Variants in UGT1A10 observed in about 807,000 individuals in gnomAD.
The protein encoded by UGT1A10 is UDP glucuronosyltransferase family 1 member A10.
A neutral mutation model predicts 45.8 loss-of-function variants in UGT1A10; 49 were observed. That is an observed-to-expected ratio of 1.07 (90% CI 0.85 to 1.36). The LOEUF (loss-of-function observed/expected upper bound fraction) is 1.36. Among genes scored for constraint, UGT1A10 ranks in the 40% most tolerant of loss-of-function variants. The pLI is 0.00. For synonymous variants in UGT1A10, 284 were observed against 249.7 expected, an observed-to-expected ratio of 1.14 and a Z score of -1.29; for missense variants, 745 against 668.6, an observed-to-expected ratio of 1.11 and a Z score of -1.26.
chr2:233,640,635 G>A (rs977220266), intron 1 of UGT1A10, among the ~76,000 whole-genome samples: 2 of 152,094 alleles, frequency 1.3e-5, no homozygotes. Context: ...AAATGGGAGA[G>A]AACAGTCTCT....
Position 233,772,483 on chromosome 2 carries a change from G to C in UGT1A10, c.1517G>C (p.Cys506Ser). The change falls in exon 5 of 5, where the codon TGT (cysteine) becomes TCT (serine). Residue 506 changes from cysteine to serine, a missense_variant. Physicochemically the swap from Cys to Ser is moderately radical, Grantham distance 112. Transcript: ENST00000344644. ...ACAGTGGCCTTCATCACCTTTAAAT[G>C]TTGTGCTTATGGCTACCGGAAATGC... ...VLTVAFITFK[C>S]CAYGYRKCLG... The C allele has an allele frequency of 6.2e-7, 1 of 1,614,146 alleles. No individual in the cohort carries two copies. The highest frequency in any genetic ancestry group is 8.5e-7 in the Non-Finnish European group (1 of 1,180,048).
At chr2:233,677,836 A>G (rs2074401244) in intron 1 of UGT1A10, among the ~76,000 whole-genome samples, 1 of 152,076 alleles carries the variant, frequency 6.6e-6, no homozygotes, top group South Asian at 2.1e-4. Context: ...GATATATGTA[A>G]AAAAAATCGT....
At chr2:233,762,729 T>G (rs1012866470) in intron 1 of UGT1A10, among the ~76,000 whole-genome samples, 22 of 152,030 alleles carry the variant, frequency 1.4e-4, no homozygotes, top group Non-Finnish European at 3.2e-4. Context: ...TTTTTTTTTT[T>G]GGTCACTACT....
chr2:233,764,212 A>G (rs903605972), intron 1 of UGT1A10, among the ~76,000 whole-genome samples: 1 of 152,176 alleles, frequency 6.6e-6, no homozygotes, highest in Non-Finnish European at 1.5e-5. Context: ...TTTTCTTTGA[A>G]GGGAATCAAT....
chr2:233,700,873 TCC>T (rs1228589986), intron 1 of UGT1A10, among the ~76,000 whole-genome samples: 1 of 147,556 alleles, frequency 6.8e-6, no homozygotes, highest in Non-Finnish European at 1.5e-5. Flanking sequence ...CCCTCCCTCC[TCC>T]CCCCACCCCA....
chr2:233,757,465 C>G (rs1305238385), intron 1 of UGT1A10, among the ~76,000 whole-genome samples: 7 of 149,236 alleles, frequency 4.7e-5, no homozygotes, highest in Non-Finnish European at 5.9e-5. Flanking sequence ...AGAGCGCTTA[C>G]TGTCTCCAAA....
intron 1 of UGT1A10, chr2:233,717,949 A>C: frequency 2.2e-6 from 1 of 452,294 alleles, no homozygotes; most frequent in South Asian, 1.6e-5. Context: ...GCAGACTTGC[A>C]GAAGACTGGA....
rs189908141 is a variant in UGT1A10, at chr2:233,706,521, C to T, written c.856-60513C>T. Among the ~76,000 whole-genome samples, 191 of 152,266 alleles carry T rather than the reference C, an allele frequency of 1.3e-3. 1 individual carries two copies. Among genetic ancestry groups the T allele is most frequent in the African/African-American group, 4.2e-3 (176 of 41,544 alleles). On this transcript the variant is annotated intron_variant, in intron 1 of 4. Coordinates refer to ENST00000344644, the MANE Select transcript of UGT1A10 (RefSeq NM_019075.4). Reference sequence around the variant, plus strand: ...TGGTGTGATGCTGAGGATTTTACAGCGGCTTAGAAACACAGCTTTTTTTCT... The same window carrying T: ...TGGTGTGATGCTGAGGATTTTACAGTGGCTTAGAAACACAGCTTTTTTTCT...
intron 1 of UGT1A10, among the ~76,000 whole-genome samples, chr2:233,732,119 T>C (rs1297599080): frequency 7.1e-6 from 1 of 141,674 alleles, no homozygotes; most frequent in African/African-American, 2.7e-5. Context: ...TTTGCCCACT[T>C]TTTGATGAGG....
intron 1 of UGT1A10, among the ~76,000 whole-genome samples, chr2:233,641,098 C>T (rs1470682038): frequency 6.6e-6 from 1 of 152,198 alleles, no homozygotes; most frequent in Non-Finnish European, 1.5e-5. Context: ...CTCTGCAGCA[C>T]AAGCACCATC....
At chr2:233,692,770 A>C (rs1187412546) in intron 1 of UGT1A10, 1 of 1,276,528 alleles carries the variant, frequency 7.8e-7, no homozygotes, top group Non-Finnish European at 1.0e-6. Flanking sequence ...GAAGAGAAAC[A>C]CCCAGAAGCT....
In UGT1A10 at chr2:233,637,260, T is replaced by G; in HGVS notation, c.738T>G (p.Ser246Arg). ...QTPVTAYDLY[S>R]HTSIWLLRTD... ...CTGTCACGGCATATGATCTCTACAG[T>G]CACACATCAATTTGGTTGTTGCGAA... The change falls in exon 1 of 5, where the codon AGT becomes AGG. Residue 246 changes from serine to arginine, a missense_variant. Coordinates refer to ENST00000344644, the MANE Select transcript of UGT1A10 (RefSeq NM_019075.4). The G allele has an allele frequency of 6.2e-7, 1 of 1,613,996 alleles. No individual in the cohort carries two copies. The highest frequency in any genetic ancestry group is 8.5e-7 in the Non-Finnish European group (1 of 1,179,872).
chr2:233,717,792 G>A (rs1353792882), intron 1 of UGT1A10: 6 of 456,092 alleles, frequency 1.3e-5, no homozygotes, highest in African/African-American at 4.0e-5. Flanking sequence ...GAAATTTGAA[G>A]TAGTGCCCCC....
intron 1 of UGT1A10, among the ~76,000 whole-genome samples, chr2:233,762,788 C>T (rs553369718): frequency 6.6e-6 from 1 of 151,422 alleles, no homozygotes; most frequent in East Asian, 1.9e-4. Context: ...ATTATCTACT[C>T]ATTACTCAGC....
intron 1 of UGT1A10, among the ~76,000 whole-genome samples, chr2:233,707,313 A>G (rs1246275498): frequency 6.6e-6 from 1 of 152,146 alleles, no homozygotes; most frequent in African/African-American, 2.4e-5. Context: ...TTTGTTACAT[A>G]GCTAAACATG....
At chr2:233,692,948 C>T in intron 1 of UGT1A10, 1 of 1,601,152 alleles carries the variant, frequency 6.2e-7, no homozygotes, top group East Asian at 2.2e-5. Flanking sequence ...CCTAGGAGCC[C>T]TGTGATTTGG....
At chr2:233,755,920 C>T (rs931187964) in intron 1 of UGT1A10, 4 of 147,692 alleles carry the variant, frequency 2.7e-5, no homozygotes, top group African/African-American at 1.0e-4. Flanking sequence ...AGAAGAGTGG[C>T]ATCGTTTTAC....
chr2:233,693,313 AT>A, intron 1 of UGT1A10: 1 of 1,614,218 alleles, frequency 6.2e-7, no homozygotes, highest in Non-Finnish European at 8.5e-7. Context: ...CTGAGCGATC[AT>A]TCCTAACTGC....
In UGT1A10 at chr2:233,721,831, C is replaced by T. The variant is rs75130623; in HGVS notation, c.856-45203C>T. ...AAATCCAGCACCCTATTTGGGCCACCGACCTTGTGTCCAGCCCCACTGCTC... is the reference window on the plus strand; with the variant it reads ...AAATCCAGCACCCTATTTGGGCCACTGACCTTGTGTCCAGCCCCACTGCTC... On this transcript the variant is annotated intron_variant, in intron 1 of 4. Transcript: ENST00000344644. 6.7e-3 allele frequency: 3,461 copies of T among 513,060 alleles called. 26 individuals carry two copies. Among genetic ancestry groups the T allele is most frequent in the Non-Finnish European group, 0.011 (2,698 of 255,510 alleles). 31.8% of individuals were successfully genotyped at this position (513,060 alleles called of 1,614,324 possible).
Sources: allele counts gnomAD v4.1 joint callset (sites outside exome capture counted in the v4.1 genomes callset), GRCh38; gene constraint gnomAD v4.1.1; transcripts MANE v1.5; gene names NCBI Gene and HGNC (gene_info 2026-07-23, HGNC 2026-07-21).